Variants in STUM observed in about 807,000 individuals in gnomAD.
STUM encodes the protein protein stum homolog.
A neutral mutation model predicts 15.3 loss-of-function variants in STUM; 8 were observed. The observed-to-expected ratio is 0.52, with a 90% CI of 0.31 to 0.94. The LOEUF (loss-of-function observed/expected upper bound fraction) is 0.94. Ranked by LOEUF, STUM falls within the 40% of genes least tolerant of loss-of-function variation. The pLI, the probability that STUM is intolerant of heterozygous loss-of-function variation, is 0.05. For missense variants in STUM, 142 were observed against 204.9 expected (o/e 0.69, Z 1.87); for synonymous variants, 78 against 88.7 (o/e 0.88, Z 0.68).
intron 1 of STUM, among the ~76,000 whole-genome samples, chr1:226,582,822 C>G (rs1258431315): frequency 6.6e-6 from 1 of 152,222 alleles, no homozygotes; most frequent in Non-Finnish European, 1.5e-5. Flanking sequence ...GCCTCTCCCT[C>G]TCCTTTCCTG....
rs1054827701 is a variant in STUM, at chr1:226,607,241, T to A, written c.*5201T>A. 3 of 152,464 alleles carry A rather than the reference T, an allele frequency of 2.0e-5. No individual in the cohort carries two copies. The highest frequency in any genetic ancestry group is 1.3e-4 in the Admixed American group (2 of 15,306). 9.4% of individuals were successfully genotyped at this position (152,464 alleles called of 1,614,324 possible). ...TTCCTGCAAGATTCTTAGAGCTGGA[T>A]GTTCACGGGATCATGGGGCATGGAG... is the stretch of plus-strand genomic sequence containing the variant. On this transcript the variant is annotated 3_prime_UTR_variant, in exon 4 of 4. Coordinates refer to ENST00000366788, the MANE Select transcript of STUM (RefSeq NM_001003665.4).
rs570416193 is a variant in STUM at position 226,581,417 on chromosome 1, T to G, written c.203-15385T>G. 2.0e-5 allele frequency among the ~76,000 whole-genome samples: 3 copies of G among 152,352 alleles called. No homozygotes were observed. In the South Asian group the frequency reaches 6.2e-4, roughly 32 times the overall value. The stretch of plus-strand genomic sequence containing the variant: ...GTAATTTATAACAGAATGAAGTTTA[T>G]TTAGCTCACAGTTCTGGAGGCTGAA... On this transcript the variant is annotated intron_variant, in intron 1 of 3. Transcript: ENST00000366788.
intron 1 of STUM, among the ~76,000 whole-genome samples, chr1:226,560,892 C>T (rs1352746803): frequency 6.6e-6 from 1 of 152,178 alleles, no homozygotes; most frequent in Non-Finnish European, 1.5e-5. Flanking sequence ...GTTCACATTC[C>T]ACATTGGACC....
At chr1:226,563,788 G>GC (rs1253996464) in intron 1 of STUM, among the ~76,000 whole-genome samples, 1 of 152,264 alleles carries the variant, frequency 6.6e-6, no homozygotes, top group African/African-American at 2.4e-5. Flanking sequence ...TGAGAGAACT[G>GC]CCCCTTTGCC....
chr1:226,581,461 C>T lies in STUM; in HGVS notation c.203-15341C>T, dbSNP rs112101503. 2.0e-3 allele frequency among the ~76,000 whole-genome samples: 299 copies of T among 152,354 alleles called. 1 individual carries two copies. Among genetic ancestry groups the T allele is most frequent in the African/African-American group, 6.6e-3 (275 of 41,576 alleles). ...GGCTGAAAAGTCCAAGAGTATTGTG[C>T]CAGCATCTGGCGAGGGCCTTCTTGC... On this transcript the variant is annotated intron_variant, in intron 1 of 3. Coordinates refer to ENST00000366788, the MANE Select transcript of STUM (RefSeq NM_001003665.4).
intron 1 of STUM, among the ~76,000 whole-genome samples, chr1:226,589,621 C>G (rs898135037): frequency 1.2e-4 from 19 of 152,212 alleles, no homozygotes; most frequent in Non-Finnish European, 2.1e-4. Context: ...ATGTCTGTGC[C>G]TAAGTCCCAG....
At chr1:226,582,807 C>T (rs1316623148) in intron 1 of STUM, among the ~76,000 whole-genome samples, 3 of 152,170 alleles carry the variant, frequency 2.0e-5, no homozygotes, top group Non-Finnish European at 2.9e-5. Flanking sequence ...GGCCACAGAC[C>T]TCAGGCCTCT....
intron 1 of STUM, among the ~76,000 whole-genome samples, chr1:226,585,628 C>T (rs1200659106): frequency 6.6e-6 from 1 of 152,142 alleles, no homozygotes; most frequent in Non-Finnish European, 1.5e-5. Context: ...ATCCTGCCTG[C>T]CCCGCCTCAG....
At chr1:226,571,644 C>CTT (rs561646594) in intron 1 of STUM, among the ~76,000 whole-genome samples, 1 of 144,830 alleles carries the variant, frequency 6.9e-6, no homozygotes, top group Non-Finnish European at 1.5e-5. Flanking sequence ...TCTTCTTCTT[C>CTT]TTTTTTTTTT....
Position 226,609,197 on chromosome 1 carries a change from A to C in STUM, c.*7157A>C, listed in dbSNP as rs1215452665. The C allele has an allele frequency of 6.6e-6, 1 of 152,090 alleles. No individual in the cohort carries two copies. Among genetic ancestry groups the C allele is most frequent in the East Asian group, 1.9e-4 (1 of 5,188 alleles). 9.4% of individuals were successfully genotyped at this position (152,090 alleles called of 1,614,324 possible). Reference sequence around the variant, plus strand: ...TTTCCCTCTTTTCTATGTTGTAATAAACATTCATGTGACCTTTCTGGTAGT... The same window carrying C: ...TTTCCCTCTTTTCTATGTTGTAATACACATTCATGTGACCTTTCTGGTAGT... On this transcript the variant is annotated 3_prime_UTR_variant, in exon 4 of 4. Coordinates refer to ENST00000366788, the MANE Select transcript of STUM (RefSeq NM_001003665.4).
chr1:226,552,433 G>A lies in STUM; in HGVS notation c.202+3327G>A, dbSNP rs563022327. On this transcript the variant is annotated intron_variant, in intron 1 of 3. Coordinates refer to ENST00000366788, the MANE Select transcript of STUM (RefSeq NM_001003665.4). This position sits in a 1 kb window ranked among gnomAD's most constrained non-coding sequence, Gnocchi z 4.7. ...TTAGGGTGTTTATAAGTATATACAC[G>A]ATTATTCATACCTGTAATGAAAGTT... 2.6e-5 allele frequency among the ~76,000 whole-genome samples: 4 copies of A among 152,106 alleles called. No homozygotes were observed. The highest frequency in any genetic ancestry group is 6.6e-5 in the Admixed American group (1 of 15,266).
chr1:226,562,353 C>G (rs1667556363), intron 1 of STUM, among the ~76,000 whole-genome samples: 1 of 151,844 alleles, frequency 6.6e-6, no homozygotes. Context: ...CCTGTAGTCT[C>G]AGTTACTCGG....
At position 226,608,867 on chromosome 1, in the gene STUM, C is replaced by A. The variant is rs950159246; in HGVS notation, c.*6827C>A. The A allele has an allele frequency of 6.6e-6, 1 of 152,344 alleles. No individual in the cohort carries two copies. The highest frequency in any genetic ancestry group is 2.4e-5 in the African/African-American group (1 of 41,460). The allele number at this position is 152,344 out of a possible 1,614,324, so 9.4% of individuals were successfully genotyped here. A position where few individuals can be genotyped will look rare whatever the true frequency, so the allele number is the denominator to read the frequency against. ...CAACACCCTCAGGACCCAGCCCCAGCCCCGGCAGACCTTCCCTGGGAGCTG... is the reference window on the plus strand; with the variant it reads ...CAACACCCTCAGGACCCAGCCCCAGACCCGGCAGACCTTCCCTGGGAGCTG... On this transcript the variant is annotated 3_prime_UTR_variant, in exon 4 of 4. Coordinates refer to ENST00000366788, the MANE Select transcript of STUM (RefSeq NM_001003665.4). The surrounding 1 kb of genome is among the most constrained non-coding windows in gnomAD (Gnocchi z 4.0).
chr1:226,578,151 A>G (rs1437719490), intron 1 of STUM, among the ~76,000 whole-genome samples: 2 of 151,996 alleles, frequency 1.3e-5, no homozygotes, highest in African/African-American at 2.4e-5. Flanking sequence ...ATATCTCACC[A>G]TCTTGCTTCT....
chr1:226,597,354 T>C (rs2102712242), intron 2 of STUM: 1 of 481,148 alleles, frequency 2.1e-6, no homozygotes, highest in Non-Finnish European at 4.3e-6. Context: ...CACCACCCAT[T>C]TTAAGCAGCT....
intron 1 of STUM, among the ~76,000 whole-genome samples, chr1:226,590,910 TG>T (rs1288127330): frequency 2.6e-5 from 4 of 152,226 alleles, no homozygotes; most frequent in Non-Finnish European, 5.9e-5. Flanking sequence ...AATTCATCAC[TG>T]TTCCTGGTGT....
At chr1:226,588,708 T>C (rs1413919420) in intron 1 of STUM, among the ~76,000 whole-genome samples, 1 of 152,246 alleles carries the variant, frequency 6.6e-6, no homozygotes, top group East Asian at 1.9e-4. Flanking sequence ...TGAATCAGAC[T>C]CTTAGGGTGG....
chr1:226,584,299 C>T (rs950109897), intron 1 of STUM, among the ~76,000 whole-genome samples: 7 of 152,150 alleles, frequency 4.6e-5, no homozygotes, highest in Non-Finnish European at 5.9e-5. Context: ...TTTTTTATAG[C>T]GTGGTGGCTG....
In STUM at chr1:226,549,024, C is replaced by A. The variant is rs1334736137; in HGVS notation, c.120C>A (p.Gly40=). The change falls in exon 1 of 4, where the codon GGC becomes GGA. Residue 40 remains glycine (G), a synonymous_variant. Coordinates refer to ENST00000366788, the MANE Select transcript of STUM (RefSeq NM_001003665.4). This position sits in a 1 kb window ranked among gnomAD's most constrained non-coding sequence, Gnocchi z 6.8. ...TGGTGCAGGTCCGCGAGAAGAAGGG[C>A]CCCCTGCGCGCCGCCATCCCCTACA... ...GVVVQVREKK[G]PLRAAIPYMP... 65 of 1,582,460 alleles carry A rather than the reference C, an allele frequency of 4.1e-5. No individual in the cohort carries two copies. Among genetic ancestry groups the A allele is most frequent in the Non-Finnish European group, 4.6e-5 (54 of 1,167,388 alleles).
Sources: gnomAD v4.1 joint callset for allele counts (sites outside exome capture counted in the v4.1 genomes callset) on GRCh38, gnomAD v4.1.1 for gene constraint, Gnocchi (gnomAD v3.1) non-coding constraint, MANE v1.5 for transcripts, NCBI Gene and HGNC (gene_info 2026-07-23, HGNC 2026-07-21) for gene names.